The following DLGAP2 variants were observed in gnomAD, a reference collection of about 807,000 sequenced individuals.
The protein encoded by DLGAP2 is DLG associated protein 2, also known as disks large-associated protein 2.
In DLGAP2, 26 loss-of-function variants were observed where a neutral mutation model predicts 100.3. That is an observed-to-expected ratio of 0.26 (90% CI 0.19 to 0.36). The LOEUF is 0.36. Among genes scored for constraint, DLGAP2 ranks in the 10% least tolerant of loss-of-function variants. The pLI, the probability that DLGAP2 is intolerant of heterozygous loss-of-function variation, is 1.00. For synonymous variants in DLGAP2, 886 were observed against 630.1 expected, an observed-to-expected ratio of 1.41 and a Z score of -6.08; for missense variants, 1,858 against 1,453.2, an observed-to-expected ratio of 1.28 and a Z score of -4.53.
chr8:1,273,241 C>T (rs143684353), intron 3 of DLGAP2, among the ~76,000 whole-genome samples: 11 of 152,282 alleles, frequency 7.2e-5, no homozygotes, highest in African/African-American at 2.6e-4. Flanking sequence ...CCCTAATATC[C>T]AGTACTTGGG....
At chr8:1,313,622 G>C (rs779992098) in intron 3 of DLGAP2, among the ~76,000 whole-genome samples, 1 of 152,158 alleles carries the variant, frequency 6.6e-6, no homozygotes, top group African/African-American at 2.4e-5. Context: ...TCCAAAGTCA[G>C]GGGTGGATTC....
At chr8:1,423,083 G>C (rs1797143950) in intron 3 of DLGAP2, among the ~76,000 whole-genome samples, 1 of 152,218 alleles carries the variant, frequency 6.6e-6, no homozygotes, top group African/African-American at 2.4e-5. Context: ...TGCCACAACA[G>C]TGTAGACAAG....
intron 2 of DLGAP2, among the ~76,000 whole-genome samples, chr8:1,007,976 G>A (rs12680707): frequency 0.39 from 59,214 of 151,684 alleles, 11,797 homozygotes; most frequent in African/African-American, 0.46. Flanking sequence ...ATAAAGAAGG[G>A]GATGTGTTCT....
intron 2 of DLGAP2, among the ~76,000 whole-genome samples, chr8:1,144,695 G>T (rs1219681639): frequency 6.6e-6 from 1 of 152,220 alleles, no homozygotes; most frequent in Non-Finnish European, 1.5e-5. Flanking sequence ...CCTGTCTGCA[G>T]TTTTACTTTT....
At chr8:1,466,116 C>T (rs1798619504) in intron 3 of DLGAP2, among the ~76,000 whole-genome samples, 1 of 152,150 alleles carries the variant, frequency 6.6e-6, no homozygotes, top group African/African-American at 2.4e-5. Context: ...ATAAATTAAC[C>T]ATATTCGTGT....
At chr8:1,192,653 T>C (rs1585138698) in intron 2 of DLGAP2, among the ~76,000 whole-genome samples, 1 of 144,198 alleles carries the variant, frequency 6.9e-6, no homozygotes, top group Non-Finnish European at 1.5e-5. Flanking sequence ...TGGCTTTATG[T>C]ATCTGGTTTC....
At chr8:1,444,891 G>A (rs886243647) in intron 3 of DLGAP2, among the ~76,000 whole-genome samples, 1 of 143,294 alleles carries the variant, frequency 7.0e-6, no homozygotes, top group African/African-American at 2.6e-5. Context: ...CAATTCTACT[G>A]CCTCCCGAGT....
chr8:869,222 G>A (rs1255938421), intron 1 of DLGAP2, among the ~76,000 whole-genome samples: 1 of 152,134 alleles, frequency 6.6e-6, no homozygotes, highest in Non-Finnish European at 1.5e-5. Flanking sequence ...ACCCCTAAAC[G>A]GTTCCTCGGT....
intron 2 of DLGAP2, among the ~76,000 whole-genome samples, chr8:1,111,097 G>A (rs527926916): frequency 3.3e-5 from 5 of 152,328 alleles, no homozygotes; most frequent in South Asian, 2.1e-4. Context: ...CTTTCTGCCC[G>A]GGCCTTCCTC....
chr8:944,900 C>T (rs886972474), intron 2 of DLGAP2, among the ~76,000 whole-genome samples: 1 of 152,006 alleles, frequency 6.6e-6, no homozygotes, highest in Non-Finnish European at 1.5e-5. Context: ...CCAAACCCTG[C>T]AGGTGATCTG....
intron 3 of DLGAP2, among the ~76,000 whole-genome samples, chr8:1,447,664 C>G (rs189885594): frequency 6.6e-6 from 1 of 152,210 alleles, no homozygotes; most frequent in African/African-American, 2.4e-5. Context: ...AGGAATGTTA[C>G]CAGCTTCTCC....
chr8:1,358,873 A>T (rs1378429604), intron 3 of DLGAP2, among the ~76,000 whole-genome samples: 1 of 150,602 alleles, frequency 6.6e-6, no homozygotes, highest in African/African-American at 2.4e-5. Context: ...GCTGTCTGCC[A>T]CACGAGGGTG....
chr8:1,434,529 G>T (rs144061332), intron 3 of DLGAP2, among the ~76,000 whole-genome samples: 1 of 152,088 alleles, frequency 6.6e-6, no homozygotes, highest in Non-Finnish European at 1.5e-5. Context: ...CAGCCTGGAG[G>T]GCAGTGGTAC....
intron 3 of DLGAP2, among the ~76,000 whole-genome samples, chr8:1,438,197 G>C (rs1797707780): frequency 6.6e-6 from 1 of 152,026 alleles, no homozygotes; most frequent in Non-Finnish European, 1.5e-5. Flanking sequence ...CTAGCCACCT[G>C]GTTCTTTTAA....
At chr8:828,681 G>A (rs1585907443) in intron 1 of DLGAP2, among the ~76,000 whole-genome samples, 1 of 152,190 alleles carries the variant, frequency 6.6e-6, no homozygotes, top group South Asian at 2.1e-4. Context: ...GAAATCACAA[G>A]GGTACTGATT....
intron 2 of DLGAP2, among the ~76,000 whole-genome samples, chr8:914,105 T>C (rs1345163436): frequency 6.6e-6 from 1 of 152,264 alleles, no homozygotes; most frequent in Non-Finnish European, 1.5e-5. Flanking sequence ...ACCCAGATAC[T>C]AAAATTATTT....
chr8:1,456,515 G>A (rs942613306), intron 3 of DLGAP2, among the ~76,000 whole-genome samples: 2 of 152,184 alleles, frequency 1.3e-5, no homozygotes, highest in Non-Finnish European at 2.9e-5. Flanking sequence ...TTGTGATAAT[G>A]TGGTCCCAGA....
intron 3 of DLGAP2, among the ~76,000 whole-genome samples, chr8:1,290,950 A>G (rs552058337): frequency 6.6e-5 from 10 of 152,274 alleles, no homozygotes; most frequent in African/African-American, 1.9e-4. Context: ...ATATTGTACA[A>G]CCACCTCCCC....
At chr8:1,572,379 G>GTCA (rs1802758925) in intron 6 of DLGAP2, among the ~76,000 whole-genome samples, 1 of 102,108 alleles carries the variant, frequency 9.8e-6, no homozygotes, top group Non-Finnish European at 2.0e-5. Flanking sequence ...ACTGTGGGTT[G>GTCA]TCTGATGAGA....
Sources: allele counts gnomAD v4.1 joint callset (sites outside exome capture counted in the v4.1 genomes callset), GRCh38; gene constraint gnomAD v4.1.1; transcripts MANE v1.5; gene names NCBI Gene and HGNC (gene_info 2026-07-23, HGNC 2026-07-21).